ITSN2: variants seen among roughly 807,000 people sequenced by gnomAD.
The protein encoded by ITSN2 is intersectin-2.
In ITSN2, 156 loss-of-function variants were observed where a neutral mutation model predicts 243.7. The ratio of observed to expected loss-of-function variants is 0.64; its 90% confidence interval spans 0.56 to 0.73. The LOEUF is 0.73. ITSN2 is among the 30% of genes least tolerant of loss of function. The pLI is 0.00. For missense variants in ITSN2, 1,801 were observed against 1,996.1 expected (o/e 0.90, Z 1.86); for synonymous variants, 703 against 699.9 (o/e 1.00, Z -0.07).
At chr2:24,250,876 A>G (rs552616572) in intron 25 of ITSN2, among the ~76,000 whole-genome samples, 2 of 152,308 alleles carry the variant, frequency 1.3e-5, no homozygotes, top group South Asian at 4.1e-4. Flanking sequence ...GACATGAGAA[A>G]GTAGCTGACT....
chr2:24,345,237 T>C (rs1687416277), intron 1 of ITSN2, among the ~76,000 whole-genome samples: 1 of 152,120 alleles, frequency 6.6e-6, no homozygotes, highest in South Asian at 2.1e-4. Context: ...AGAGCTCAGA[T>C]TTCCCCCATT....
intron 1 of ITSN2, among the ~76,000 whole-genome samples, chr2:24,335,404 C>T (rs1011840546): frequency 4.6e-5 from 7 of 152,186 alleles, no homozygotes; most frequent in Non-Finnish European, 5.9e-5. Context: ...ATGATCTCAG[C>T]TCACTGCAAC....
chr2:24,263,510 T>G (rs540314091), intron 20 of ITSN2, among the ~76,000 whole-genome samples: 1 of 152,194 alleles, frequency 6.6e-6, no homozygotes, highest in African/African-American at 2.4e-5. Flanking sequence ...ACAATCAAGA[T>G]AGCCAACACT....
At chr2:24,220,263 GTCT>G in intron 30 of ITSN2, 2 of 923,840 alleles carry the variant, frequency 2.2e-6, no homozygotes, top group Non-Finnish European at 2.6e-6. Flanking sequence ...AATGTAACTG[GTCT>G]TCTCACCTGA....
At chr2:24,301,268 TCATGTAGTCTGGA>T (rs1420509761) in intron 10 of ITSN2, 29 bp from the exon 11 acceptor site, 2 of 1,400,994 alleles carry the variant, frequency 1.4e-6, no homozygotes, top group Non-Finnish European at 2.0e-6. Flanking sequence ...AAAGTTAGCA[TCATGTAGTCTGGA>T]CATTTTCAGA....
intron 20 of ITSN2, among the ~76,000 whole-genome samples, chr2:24,262,229 C>A (rs1368062391): frequency 6.6e-6 from 1 of 152,074 alleles, no homozygotes; most frequent in Non-Finnish European, 1.5e-5. Context: ...ATAGCTTAAT[C>A]TTTATTTAAA....
chr2:24,258,130 A>G (rs765911136), intron 22 of ITSN2, 37 bp from the exon 23 acceptor site: 6 of 1,422,082 alleles, frequency 4.2e-6, no homozygotes, highest in Non-Finnish European at 6.0e-6. Flanking sequence ...TTTAAAAGGC[A>G]ATGGTAACTA....
chr2:24,327,341 G>A (rs947688860), intron 2 of ITSN2, among the ~76,000 whole-genome samples: 12 of 150,608 alleles, frequency 8.0e-5, no homozygotes, highest in Admixed American at 7.3e-4. Context: ...TCTTTCCCAG[G>A]CTGGAGTGTA....
intron 24 of ITSN2, among the ~76,000 whole-genome samples, chr2:24,253,132 G>A (rs1674569165): frequency 6.6e-6 from 1 of 152,116 alleles, no homozygotes; most frequent in Non-Finnish European, 1.5e-5. Context: ...TTTTGTTTCT[G>A]TGATTGTCAC....
chr2:24,332,897 T>C (rs1289445869), intron 1 of ITSN2, among the ~76,000 whole-genome samples: 1 of 152,210 alleles, frequency 6.6e-6, no homozygotes, highest in Non-Finnish European at 1.5e-5. Context: ...ATGTACTGTG[T>C]CATGCTGAGT....
intron 1 of ITSN2, among the ~76,000 whole-genome samples, chr2:24,338,043 G>C (rs1024299421): frequency 6.6e-6 from 1 of 152,100 alleles, no homozygotes; most frequent in African/African-American, 2.4e-5. Context: ...CCTGAGGCTG[G>C]TTCAGGCCGT....
Position 24,309,837 on chromosome 2 carries a change from A to T in ITSN2, c.653+447T>A, listed in dbSNP as rs578008497. 2.2e-4 allele frequency among the ~76,000 whole-genome samples: 34 copies of T among 152,332 alleles called. No individual in the cohort carries two copies. The South Asian group carries it at 7.1e-3, about 32-fold the overall frequency. On this transcript the variant is annotated intron_variant, in intron 7 of 39. Transcript: ENST00000355123. ...CTAACACTCTCCGTACACTACCCTG[A>T]AGAGTATAATAGTGATTTATATGAA...
chr2:24,237,809 C>A (rs1361853909), intron 29 of ITSN2, among the ~76,000 whole-genome samples: 1 of 152,126 alleles, frequency 6.6e-6, no homozygotes, highest in Admixed American at 6.6e-5. Context: ...AAGATCCCCA[C>A]GATCAGGCCG....
chr2:24,291,452 T>C (rs1017442320), intron 15 of ITSN2, among the ~76,000 whole-genome samples: 2 of 151,914 alleles, frequency 1.3e-5, no homozygotes, highest in African/African-American at 4.8e-5. Context: ...TTCACGTCTA[T>C]TAGCGAAGTG....
chr2:24,229,953 G>A (rs2551163), intron 29 of ITSN2, among the ~76,000 whole-genome samples: 147,739 of 152,200 alleles, frequency 0.97, 71,712 homozygotes, highest in East Asian at 0.99. Context: ...AGTGCCCTAA[G>A]ATTCAGTCCT....
chr2:24,355,289 A>G (rs1471419113), intron 1 of ITSN2, among the ~76,000 whole-genome samples: 1 of 152,228 alleles, frequency 6.6e-6, no homozygotes, highest in African/African-American at 2.4e-5. Context: ...AGAATTAATT[A>G]TAAACATTCT....
rs1361181607 is a variant in ITSN2 at position 24,211,072 on chromosome 2, T to C, written c.4090-125A>G. The C allele has an allele frequency of 1.2e-6, 1 of 846,480 alleles. No individual in the cohort carries two copies. Among genetic ancestry groups the C allele is most frequent in the Non-Finnish European group, 1.8e-6 (1 of 543,760 alleles). 52.4% of individuals were successfully genotyped at this position (846,480 alleles called of 1,614,324 possible). On this transcript the variant is annotated intron_variant, in intron 33 of 39. Coordinates refer to ENST00000355123, the MANE Select transcript of ITSN2 (RefSeq NM_006277.3). The surrounding 1 kb of genome is among the most constrained non-coding windows in gnomAD (Gnocchi z 4.1). The stretch of plus-strand genomic sequence containing the variant: ...CTTCCATGCCCTGGAAACGCGGCGG[T>C]GAACAAGACGACACTTTCCGCCCTT...
At chr2:24,313,081 C>T (rs914598343) in intron 4 of ITSN2, among the ~76,000 whole-genome samples, 1 of 144,506 alleles carries the variant, frequency 6.9e-6, no homozygotes, top group African/African-American at 2.5e-5. Flanking sequence ...TGAAGAAATA[C>T]CTTTTTTTTT....
chr2:24,257,957 T>A lies in ITSN2; in HGVS notation c.2819A>T (p.His940Leu). The change falls in exon 23 of 40, where the codon CAT (histidine) becomes CTT (leucine). Residue 940 changes from histidine to leucine, a missense_variant. By Grantham distance (99) the His-to-Leu change is moderately conservative. Coordinates refer to ENST00000355123, the MANE Select transcript of ITSN2 (RefSeq NM_006277.3). ...TTTGGGAAACCATCCTCTTCCTCCA[T>A]GCACCTCCCCAAACCACCAATTTTC... Reference protein sequence around the residue: ...QQENWWFGEVHGGRGWFPKSY... With the variant: ...QQENWWFGEVLGGRGWFPKSY... 1.2e-6 allele frequency: 2 copies of A among 1,614,116 alleles called. No individual in the cohort carries two copies. The highest frequency in any genetic ancestry group is 1.7e-6 in the Non-Finnish European group (2 of 1,179,986).
Sources: allele counts gnomAD v4.1 joint callset (sites outside exome capture counted in the v4.1 genomes callset), GRCh38; gene constraint gnomAD v4.1.1; non-coding constraint Gnocchi (gnomAD v3.1); transcripts MANE v1.5; gene names NCBI Gene and HGNC (gene_info 2026-07-23, HGNC 2026-07-21).